AGBL1: variants seen among roughly 807,000 people sequenced by gnomAD.
AGBL1 encodes the protein cytosolic carboxypeptidase 4.
In AGBL1, 130 loss-of-function variants were observed where a neutral mutation model predicts 118.9. The observed-to-expected ratio is 1.09, with a 90% confidence interval of 0.95 to 1.26. The LOEUF is 1.26. Among genes scored for constraint, AGBL1 ranks in the 50% most tolerant of loss-of-function variants. The pLI is 0.00. For missense variants in AGBL1, 1,584 were observed against 1,298.1 expected (o/e 1.22, Z -3.38); for synonymous variants, 555 against 478.9 (o/e 1.16, Z -2.08).
intron 5 of AGBL1, among the ~76,000 whole-genome samples, chr15:86,176,614 A>T (rs1448053658): frequency 6.6e-6 from 1 of 152,158 alleles, no homozygotes; most frequent in African/African-American, 2.4e-5. Context: ...GACATGAGGA[A>T]ATATCAGTGG....
At chr15:86,777,682 GT>G (rs960010197) in intron 22 of AGBL1, among the ~76,000 whole-genome samples, 1 of 152,010 alleles carries the variant, frequency 6.6e-6, no homozygotes, top group South Asian at 2.1e-4. Context: ...GGCCAAACAT[GT>G]TTTTTACATG....
rs771829983 is a variant in AGBL1, at chr15:86,154,438, A to T, written c.271A>T (p.Ile91Phe). The change falls in exon 4 of 23, where the codon ATT becomes TTT. Residue 91 changes from isoleucine (I) to phenylalanine (F), a missense_variant. Physicochemically the swap from Ile to Phe is conservative, Grantham distance 21. Coordinates refer to ENST00000614907, the MANE Select transcript of AGBL1 (RefSeq NM_001386094.1). ...LAKVGLRDKK[I>F]GRKALELEAL... ...TTGATTTGTGTTCTTAGATAAAAAGATTGGACGGAAGGCCCTAGAATTGGA... is the reference window on the plus strand; with the variant it reads ...TTGATTTGTGTTCTTAGATAAAAAGTTTGGACGGAAGGCCCTAGAATTGGA... 62 of 1,612,150 alleles carry T rather than the reference A, an allele frequency of 3.8e-5. No individual in the cohort carries two copies. The highest frequency in any genetic ancestry group is 5.1e-5 in the Non-Finnish European group (60 of 1,179,168).
intron 1 of AGBL1, among the ~76,000 whole-genome samples, chr15:86,134,771 G>T (rs906709792): frequency 1.3e-5 from 2 of 151,538 alleles, no homozygotes; most frequent in Non-Finnish European, 2.9e-5. Flanking sequence ...GTGCCACTAC[G>T]CCCAGTTAAT....
intron 5 of AGBL1, among the ~76,000 whole-genome samples, chr15:86,161,140 C>G (rs1054004860): frequency 3.3e-5 from 5 of 152,138 alleles, no homozygotes; most frequent in Non-Finnish European, 2.9e-5. Flanking sequence ...ACAAAAGGAG[C>G]CTTCCAGGGA....
chr15:86,801,460 A>C (rs933998869), intron 22 of AGBL1, among the ~76,000 whole-genome samples: 22 of 151,910 alleles, frequency 1.4e-4, no homozygotes, highest in African/African-American at 5.3e-4. Flanking sequence ...TAGTTTATTA[A>C]TATTTTACCT....
At chr15:86,845,429 C>T (rs1376742189) in intron 22 of AGBL1, among the ~76,000 whole-genome samples, 1 of 152,022 alleles carries the variant, frequency 6.6e-6, no homozygotes, top group East Asian at 1.9e-4. Flanking sequence ...TTAAACCAAC[C>T]TTGCATTCTT....
chr15:86,339,616 G>A (rs1342605685), intron 17 of AGBL1, among the ~76,000 whole-genome samples: 2 of 152,052 alleles, frequency 1.3e-5, no homozygotes, highest in African/African-American at 4.8e-5. Context: ...CCTCCATTCT[G>A]CTGTTTAGCC....
intron 5 of AGBL1, among the ~76,000 whole-genome samples, chr15:86,211,230 A>C (rs1754479836): frequency 6.6e-6 from 1 of 152,060 alleles, no homozygotes; most frequent in Non-Finnish European, 1.5e-5. Context: ...AGGGGCACCC[A>C]CCTATATGAG....
intron 19 of AGBL1, among the ~76,000 whole-genome samples, chr15:86,541,208 G>C (rs1056608391): frequency 6.6e-6 from 1 of 152,150 alleles, no homozygotes; most frequent in Non-Finnish European, 1.5e-5. Flanking sequence ...TGTTCCTTTA[G>C]ACTAGAGGCT....
At chr15:86,293,284 G>A (rs894276413) in intron 16 of AGBL1, among the ~76,000 whole-genome samples, 1 of 152,170 alleles carries the variant, frequency 6.6e-6, no homozygotes, top group Non-Finnish European at 1.5e-5. Context: ...TAGGTTAGAA[G>A]TTTGACATGA....
intron 22 of AGBL1, among the ~76,000 whole-genome samples, chr15:86,895,559 T>A (rs1288128183): frequency 6.6e-6 from 1 of 152,170 alleles, no homozygotes; most frequent in Non-Finnish European, 1.5e-5. Context: ...GAGTATAGAA[T>A]TGCAGTTTGG....
intron 5 of AGBL1, among the ~76,000 whole-genome samples, chr15:86,183,377 C>T (rs117636061): frequency 2.0e-5 from 3 of 152,226 alleles, no homozygotes; most frequent in Non-Finnish European, 2.9e-5. Flanking sequence ...ATCCAATACC[C>T]TCACTTTATA....
At chr15:86,598,820 C>T in intron 21 of AGBL1, among the ~76,000 whole-genome samples, 1 of 152,002 alleles carries the variant, frequency 6.6e-6, no homozygotes, top group Non-Finnish European at 1.5e-5. Context: ...TTTTGTTGTT[C>T]TGTAGACAGT....
chr15:86,661,863 T>TC (rs1473679755), intron 21 of AGBL1, among the ~76,000 whole-genome samples: 1 of 152,168 alleles, frequency 6.6e-6, no homozygotes, highest in Non-Finnish European at 1.5e-5. Context: ...GTTTAACTAG[T>TC]CAAATGAATC....
At chr15:86,548,208 C>T (rs907966353) in intron 20 of AGBL1, among the ~76,000 whole-genome samples, 4 of 152,152 alleles carry the variant, frequency 2.6e-5, no homozygotes, top group Admixed American at 2.6e-4. Context: ...TGCTTAGAGG[C>T]TGATTCCTTC....
chr15:86,772,896 T>C (rs1476403588), intron 22 of AGBL1, among the ~76,000 whole-genome samples: 1 of 152,020 alleles, frequency 6.6e-6, no homozygotes, highest in East Asian at 1.9e-4. Flanking sequence ...CCAGAGGGAA[T>C]GGGTTAAGGA....
Position 87,002,063 on chromosome 15 carries a change from T to A in AGBL1, c.3323+13975T>A, listed in dbSNP as rs545124737. 2.2e-4 allele frequency among the ~76,000 whole-genome samples: 34 copies of A among 152,222 alleles called. 1 individual carries two copies. The South Asian group carries it at 6.6e-3, about 30-fold the overall frequency. ...CATGAAGTCCTTGCCCATGCCTATG[T>A]CCTCAATGGTATTGCCTAGGTTTTC... is the stretch of plus-strand genomic sequence containing the variant. On this transcript the variant is annotated intron_variant, in intron 24 of 24. Transcript: ENST00000441037.
chr15:86,250,394 C>G (rs770520536), intron 7 of AGBL1, among the ~76,000 whole-genome samples: 1 of 151,422 alleles, frequency 6.6e-6, no homozygotes, highest in Non-Finnish European at 1.5e-5. Flanking sequence ...GGCGTGGTAG[C>G]ATGTGTCCGT....
intron 22 of AGBL1, among the ~76,000 whole-genome samples, chr15:86,887,994 G>A (rs1486626500): frequency 2.0e-5 from 3 of 152,070 alleles, no homozygotes; most frequent in Non-Finnish European, 4.4e-5. Context: ...TAACAATGAA[G>A]AAGAGGTTAG....
Sources: allele counts gnomAD v4.1 joint callset (sites outside exome capture counted in the v4.1 genomes callset), GRCh38; gene constraint gnomAD v4.1.1; transcripts MANE v1.5; gene names NCBI Gene and HGNC (gene_info 2026-07-23, HGNC 2026-07-21).